MYO18A: variants seen among roughly 807,000 people sequenced by gnomAD.
The protein encoded by MYO18A is myosin XVIIIA, also known as unconventional myosin-XVIIIa.
A neutral mutation model predicts 235.8 loss-of-function variants in MYO18A; 78 were observed. The observed-to-expected ratio is 0.33, with a 90% CI of 0.28 to 0.40. The LOEUF (loss-of-function observed/expected upper bound fraction) is 0.40, where lower values mean the gene tolerates loss of function less well. MYO18A is among the 10% of genes least tolerant of loss of function. The pLI is 1.00. For synonymous variants in MYO18A, 977 were observed against 1,077.8 expected, an observed-to-expected ratio of 0.91 and a Z score of 1.83; for missense variants, 2,215 against 2,699.3, an observed-to-expected ratio of 0.82 and a Z score of 3.98.
intron 19 of MYO18A, among the ~76,000 whole-genome samples, chr17:29,108,360 G>C (rs979761372): frequency 6.6e-6 from 1 of 152,184 alleles, no homozygotes; most frequent in African/African-American, 2.4e-5. Flanking sequence ...GCAGTGGCTA[G>C]CAGGAAGTGA....
Position 29,099,715 on chromosome 17 carries a change from A to T in MYO18A, c.3555T>A (p.Asp1185Glu), listed in dbSNP as rs773950263. 8.7e-6 allele frequency: 14 copies of T among 1,613,440 alleles called. No individual in the cohort carries two copies. In the South Asian group the frequency reaches 1.5e-4, roughly 18 times the overall value. Residue 1185 changes from aspartate to glutamate, a missense_variant, in exon 22 of 42, where the codon GAT becomes GAA. Asp to Glu is a conservative substitution (Grantham distance 45). Transcript: ENST00000527372. ...GTLARLEEQR[D>E]EQTSRNLTLF... ...GGGTTAGGTTCCTGCTGGTTTGTTC[A>T]TCCCGCTGCTCCTCCAGCCGTGCCA...
chr17:29,092,781 G>C (rs973135673), intron 33 of MYO18A, 74 bp downstream of exon 33: 1 of 1,563,078 alleles, frequency 6.4e-7, no homozygotes. Context: ...CCACTGAGAG[G>C]AGCGAGAGAG....
chr17:29,116,697 GCA>G (rs1299944232), intron 10 of MYO18A, among the ~76,000 whole-genome samples: 1 of 70,828 alleles, frequency 1.4e-5, no homozygotes, highest in Non-Finnish European at 2.5e-5. Context: ...AGACATTTGT[GCA>G]CATGTGTGTG....
chr17:29,096,324 C>A lies in MYO18A; in HGVS notation c.4385+437G>T, dbSNP rs555116928. Among the ~76,000 whole-genome samples the A allele has an allele frequency of 1.4e-4, 22 of 152,340 alleles. No individual in the cohort carries two copies. The South Asian group carries it at 4.6e-3, about 32-fold the overall frequency. ...GGATTTTCTCCTGTGAGGGCCACCCCCCTCCTTTGTATCATTACCATAATG... is the reference window on the plus strand; with the variant it reads ...GGATTTTCTCCTGTGAGGGCCACCCACCTCCTTTGTATCATTACCATAATG... On this transcript the variant is annotated intron_variant, in intron 28 of 41. Coordinates refer to ENST00000527372, the MANE Select transcript of MYO18A (RefSeq NM_078471.4).
intron 2 of MYO18A, among the ~76,000 whole-genome samples, chr17:29,139,718 A>G (rs1367310325): frequency 3.3e-5 from 5 of 152,114 alleles, no homozygotes; most frequent in Non-Finnish European, 7.4e-5. Flanking sequence ...AATCTCTACT[A>G]AAAAAGAGAC....
chr17:29,122,783 A>C (rs1285584638), intron 2 of MYO18A, among the ~76,000 whole-genome samples: 1 of 152,214 alleles, frequency 6.6e-6, no homozygotes, highest in Non-Finnish European at 1.5e-5. Flanking sequence ...TTCGCAGTAC[A>C]GAATGATAGG....
intron 12 of MYO18A, 68 bp downstream of exon 12, chr17:29,115,596 C>A: frequency 6.6e-7 from 1 of 1,509,744 alleles, no homozygotes; most frequent in Non-Finnish European, 8.9e-7. Flanking sequence ...CCCTCCCGCC[C>A]CAGGGATGGC....
At chr17:29,157,081 C>T (rs1277309891) in intron 2 of MYO18A, among the ~76,000 whole-genome samples, 1 of 152,240 alleles carries the variant, frequency 6.6e-6, no homozygotes, top group African/African-American at 2.4e-5. Flanking sequence ...GAGATCAGCA[C>T]TAGCATGCCA....
chr17:29,159,534 C>T (rs187660584), intron 2 of MYO18A, among the ~76,000 whole-genome samples: 14 of 152,254 alleles, frequency 9.2e-5, no homozygotes, highest in Admixed American at 6.5e-4. Flanking sequence ...AAAACAAAAA[C>T]GCTCCAAGGA....
chr17:29,111,632 G>C lies in MYO18A; in HGVS notation c.2741-49C>G. 6.2e-7 allele frequency: 1 copy of C among 1,612,316 alleles called. No homozygotes were observed. Among genetic ancestry groups the C allele is most frequent in the Non-Finnish European group, 8.5e-7 (1 of 1,178,774 alleles). On this transcript the variant is annotated intron_variant, in intron 16 of 41. Coordinates refer to ENST00000527372, the MANE Select transcript of MYO18A (RefSeq NM_078471.4). The surrounding 1 kb of genome is among the most constrained non-coding windows in gnomAD (Gnocchi z 5.1). ...TAGGTCGTCAGGGTACAGGCACAAA[G>C]TGACCCCCGCCCCCTCCCAGGGAGT...
chr17:29,099,379 G>A (rs1182478471), intron 22 of MYO18A, among the ~76,000 whole-genome samples: 2 of 152,160 alleles, frequency 1.3e-5, no homozygotes, highest in African/African-American at 4.8e-5. Context: ...TCTTCATGGA[G>A]CAGCCTATGA....
At position 29,121,832 on chromosome 17, in the gene MYO18A, C is replaced by T; in HGVS notation, c.1194+19G>A. Reference sequence around the variant, plus strand: ...ACTCCTGAGCCTCCTCCCCCACACCCAGCCCCCTGCCCACCTACCTTCTCA... The same window carrying T: ...ACTCCTGAGCCTCCTCCCCCACACCTAGCCCCCTGCCCACCTACCTTCTCA... On this transcript the variant is annotated intron_variant, in intron 4 of 41. Coordinates refer to ENST00000527372, the MANE Select transcript of MYO18A (RefSeq NM_078471.4). This position sits in a 1 kb window ranked among gnomAD's most constrained non-coding sequence, Gnocchi z 4.2. The T allele has an allele frequency of 6.2e-7, 1 of 1,613,562 alleles. No individual in the cohort carries two copies. The highest frequency in any genetic ancestry group is 8.5e-7 in the Non-Finnish European group (1 of 1,179,586).
At chr17:29,090,779 A>G (rs748200821) in intron 35 of MYO18A, 31 bp downstream of exon 35, 2 of 1,590,928 alleles carry the variant, frequency 1.3e-6, no homozygotes, top group African/African-American at 2.7e-5. Context: ...GTGACGGTGC[A>G]GAGTGTGACG....
intron 2 of MYO18A, chr17:29,137,079 C>T (rs1033351810): frequency 2.0e-5 from 3 of 152,172 alleles, no homozygotes; most frequent in Non-Finnish European, 4.4e-5. Context: ...CATAACAACA[C>T]ACTTTCTAGA....
At chr17:29,143,737 C>T (rs1206864647) in intron 2 of MYO18A, among the ~76,000 whole-genome samples, 1 of 152,188 alleles carries the variant, frequency 6.6e-6, no homozygotes, top group East Asian at 1.9e-4. Flanking sequence ...AAGTACAACA[C>T]TCCTAATTCA....
rs2067303201 is a variant in MYO18A at position 29,125,667 on chromosome 17, G to A, written c.1000-3414C>T. 6.6e-6 allele frequency among the ~76,000 whole-genome samples: 1 copy of A among 152,230 alleles called. No homozygotes were observed. On this transcript the variant is annotated intron_variant, in intron 2 of 41. Transcript: ENST00000527372. This position sits in a 1 kb window ranked among gnomAD's most constrained non-coding sequence, Gnocchi z 5.1. ...GAGAAAGGGACTGGGCCCTGAGCGA[G>A]GAGGGGTGCCCTCCCACATGCACAG... is the stretch of plus-strand genomic sequence containing the variant.
At position 29,074,792 on chromosome 17, in the gene MYO18A, T is replaced by C. The variant is rs1274870571; in HGVS notation, c.6143A>G (p.Lys2048Arg). The change falls in exon 42 of 42, where the codon AAG becomes AGG. Residue 2048 changes from lysine (K) to arginine (R), a missense_variant. Transcript: ENST00000527372. This position sits in a 1 kb window ranked among gnomAD's most constrained non-coding sequence, Gnocchi z 4.4. ...GGGCTATGCGTTAGTCTCCGTCAGCTTGGCCTCTGTGTCGCTGTCACTCAG... is the reference window on the plus strand; with the variant it reads ...GGGCTATGCGTTAGTCTCCGTCAGCCTGGCCTCTGTGTCGCTGTCACTCAG... ...SYLSDSDTEA[K>R]LTETNA 1 of 1,613,916 alleles carries C rather than the reference T, an allele frequency of 6.2e-7. No homozygotes were observed. The highest frequency in any genetic ancestry group is 8.5e-7 in the Non-Finnish European group (1 of 1,179,864).
chr17:29,074,474 C>T lies in MYO18A; in HGVS notation c.*296G>A, dbSNP rs558577956. On this transcript the variant is annotated 3_prime_UTR_variant, in exon 42 of 42. Transcript: ENST00000527372. The surrounding 1 kb of genome is among the most constrained non-coding windows in gnomAD (Gnocchi z 4.4). ...GGGAGGTCAACGTGCTGGCTCCATG[C>T]AGTGCCAGGCCACCTGCCACTGCCC... 6.9e-6 allele frequency: 4 copies of T among 577,610 alleles called. No individual in the cohort carries two copies. The highest frequency in any genetic ancestry group is 3.7e-5 in the African/African-American group (2 of 53,538). The allele number at this position is 577,610 out of a possible 1,614,324, so 35.8% of individuals were successfully genotyped here.
At chr17:29,091,046 G>A in intron 34 of MYO18A, 120 bp from the exon 35 acceptor site, 2 of 778,100 alleles carry the variant, frequency 2.6e-6, no homozygotes, top group South Asian at 1.6e-5. Flanking sequence ...TGCCTGCTGG[G>A]GTGGGTCCCA....
Sources: gnomAD v4.1 joint callset for allele counts (sites outside exome capture counted in the v4.1 genomes callset) on GRCh38, gnomAD v4.1.1 for gene constraint, Gnocchi (gnomAD v3.1) non-coding constraint, MANE v1.5 for transcripts, NCBI Gene and HGNC (gene_info 2026-07-23, HGNC 2026-07-21) for gene names.